The following NTM variants were observed in gnomAD, a reference collection of about 807,000 sequenced individuals.
NTM encodes the protein neurotrimin.
A neutral mutation model predicts 42.1 loss-of-function variants in NTM; 13 were observed. The observed-to-expected ratio is 0.31, with a 90% CI of 0.20 to 0.49. The LOEUF (loss-of-function observed/expected upper bound fraction) is 0.49. NTM is among the 20% of genes least tolerant of loss of function. The pLI, the probability that NTM is intolerant of heterozygous loss-of-function variation, is 0.99. For synonymous variants in NTM, 187 were observed against 179.2 expected, an observed-to-expected ratio of 1.04 and a Z score of -0.35; for missense variants, 373 against 452.8, an observed-to-expected ratio of 0.82 and a Z score of 1.60.
intron 2 of NTM, among the ~76,000 whole-genome samples, chr11:132,062,662 G>A (rs1366310246): frequency 1.3e-5 from 2 of 152,168 alleles, no homozygotes; most frequent in African/African-American, 2.4e-5. Flanking sequence ...ACAGGATGTA[G>A]CCAGCCCTAA....
chr11:132,006,406 A>T (rs2070798237), intron 2 of NTM, among the ~76,000 whole-genome samples: 1 of 152,236 alleles, frequency 6.6e-6, no homozygotes, highest in Non-Finnish European at 1.5e-5. Context: ...CTACATAAAA[A>T]AGAGGAAAAT....
intron 1 of NTM, among the ~76,000 whole-genome samples, chr11:131,497,863 C>T (rs1294309334): frequency 6.6e-6 from 1 of 152,192 alleles, no homozygotes; most frequent in Non-Finnish European, 1.5e-5. Context: ...TCCTTAGTCA[C>T]CTGTTCTGTA....
chr11:132,217,358 C>CTGTGTG (rs375759515), intron 4 of NTM, among the ~76,000 whole-genome samples: 2,074 of 142,678 alleles, frequency 0.015, 53 homozygotes, highest in Admixed American at 0.058. Flanking sequence ...CTCTCTCTTT[C>CTGTGTG]TGTGTGTGTG....
chr11:131,494,613 G>A (rs1451786488), intron 1 of NTM, among the ~76,000 whole-genome samples: 1 of 152,180 alleles, frequency 6.6e-6, no homozygotes, highest in Admixed American at 6.5e-5. Context: ...CATTGCATGT[G>A]CAAAGATGAT....
At chr11:131,671,406 T>C in intron 1 of NTM, 1 of 984,684 alleles carries the variant, frequency 1.0e-6, no homozygotes, top group Non-Finnish European at 1.2e-6. Flanking sequence ...ATTACCTGCA[T>C]ATTCACAGGA....
At chr11:132,024,413 G>A (rs2074864678) in intron 2 of NTM, among the ~76,000 whole-genome samples, 2 of 152,166 alleles carry the variant, frequency 1.3e-5, no homozygotes, top group South Asian at 4.1e-4. Flanking sequence ...GAAATTATTT[G>A]TAGAAAATCT....
At chr11:131,706,040 G>A (rs2076559388) in intron 1 of NTM, among the ~76,000 whole-genome samples, 1 of 151,990 alleles carries the variant, frequency 6.6e-6, no homozygotes, top group African/African-American at 2.4e-5. Flanking sequence ...GCCATATAAT[G>A]ACTGAACAAA....
At chr11:132,014,023 C>T (rs559367339) in intron 2 of NTM, among the ~76,000 whole-genome samples, 15 of 151,968 alleles carry the variant, frequency 9.9e-5, no homozygotes, top group African/African-American at 3.4e-4. Flanking sequence ...ATCCATTAGC[C>T]AACCTTTCTT....
intron 4 of NTM, among the ~76,000 whole-genome samples, chr11:132,292,176 T>C (rs906329795): frequency 1.3e-5 from 2 of 152,040 alleles, no homozygotes; most frequent in African/African-American, 2.4e-5. Flanking sequence ...AAAGGAGGAA[T>C]TGGTTTTTTG....
intron 3 of NTM, among the ~76,000 whole-genome samples, chr11:132,210,977 A>C (rs541147206): frequency 6.6e-6 from 1 of 152,102 alleles, no homozygotes; most frequent in Non-Finnish European, 1.5e-5. Context: ...GAGAGATGTT[A>C]TGGCTAACTG....
chr11:132,014,553 TTG>T (rs1212187630), intron 2 of NTM, among the ~76,000 whole-genome samples: 1 of 151,942 alleles, frequency 6.6e-6, no homozygotes, highest in African/African-American at 2.4e-5. Context: ...GCATTATTTT[TTG>T]TCTTTTTGAT....
chr11:131,912,867 T>G (rs2055479763), intron 2 of NTM, among the ~76,000 whole-genome samples: 1 of 152,040 alleles, frequency 6.6e-6, no homozygotes, highest in Admixed American at 6.6e-5. Flanking sequence ...GGATAGAAAA[T>G]GGTGAAGAGG....
chr11:131,669,673 A>G (rs2069768396), intron 1 of NTM, among the ~76,000 whole-genome samples: 1 of 152,136 alleles, frequency 6.6e-6, no homozygotes, highest in South Asian at 2.1e-4. Context: ...TGTTTGTCAT[A>G]GCCTGGGTTT....
chr11:131,640,222 C>T (rs1395984097), intron 1 of NTM, among the ~76,000 whole-genome samples: 2 of 152,086 alleles, frequency 1.3e-5, no homozygotes, highest in Non-Finnish European at 2.9e-5. Context: ...AGGATGAGAC[C>T]AAACCGGAGG....
chr11:131,979,928 TATTA>T (rs2064989491), intron 2 of NTM, among the ~76,000 whole-genome samples: 1 of 152,220 alleles, frequency 6.6e-6, no homozygotes. Flanking sequence ...TCTTTGCACA[TATTA>T]ATTAATATAG....
chr11:131,752,022 A>T (rs2082622326), intron 1 of NTM, among the ~76,000 whole-genome samples: 1 of 152,160 alleles, frequency 6.6e-6, no homozygotes, highest in Admixed American at 6.5e-5. Flanking sequence ...TTTAATACTC[A>T]ATTGACCTCA....
intron 2 of NTM, among the ~76,000 whole-genome samples, chr11:131,921,261 C>A (rs368594120): frequency 1.3e-5 from 2 of 152,116 alleles, no homozygotes; most frequent in East Asian, 1.9e-4. Context: ...TAGAGTGTGC[C>A]TCTAAACCAA....
At chr11:132,327,719 GA>G (rs1428701105) in intron 7 of NTM, among the ~76,000 whole-genome samples, 2 of 152,100 alleles carry the variant, frequency 1.3e-5, no homozygotes, top group Non-Finnish European at 2.9e-5. Flanking sequence ...TATTGACTTA[GA>G]GATGGGATGG....
intron 2 of NTM, among the ~76,000 whole-genome samples, chr11:132,009,958 A>G (rs1565940002): frequency 6.6e-6 from 1 of 152,190 alleles, no homozygotes; most frequent in Non-Finnish European, 1.5e-5. Flanking sequence ...GTGTGGCTCA[A>G]ATGGCCGTGG....
Sources: gnomAD v4.1 joint callset for allele counts (sites outside exome capture counted in the v4.1 genomes callset) on GRCh38, gnomAD v4.1.1 for gene constraint, MANE v1.5 for transcripts, NCBI Gene and HGNC (gene_info 2026-07-23, HGNC 2026-07-21) for gene names.